The following SNX29 variants were observed in gnomAD, a reference collection of about 807,000 sequenced individuals.
The protein encoded by SNX29 is sorting nexin-29.
In SNX29, 78 loss-of-function variants were observed where a neutral mutation model predicts 102.1. That is an observed-to-expected ratio of 0.76 (90% CI 0.64 to 0.92). SNX29 has a LOEUF of 0.92. SNX29 is among the 40% of genes least tolerant of loss of function. SNX29 has a pLI of 0.00. For missense variants in SNX29, 1,280 were observed against 1,061.7 expected (o/e 1.21, Z -2.86); for synonymous variants, 580 against 414.5 (o/e 1.40, Z -4.85).
At chr16:12,427,279 T>C (rs1024729672) in intron 18 of SNX29, among the ~76,000 whole-genome samples, 20 of 152,000 alleles carry the variant, frequency 1.3e-4, no homozygotes, top group African/African-American at 4.6e-4. Flanking sequence ...TTGCTGTTGT[T>C]TTTTTTTGTG....
intron 20 of SNX29, among the ~76,000 whole-genome samples, chr16:12,541,523 T>C (rs1794309): frequency 0.12 from 18,471 of 152,110 alleles, 1,396 homozygotes; most frequent in Non-Finnish European, 0.16. Flanking sequence ...CATAACCATT[T>C]CAGCATGTAG....
intron 20 of SNX29, among the ~76,000 whole-genome samples, chr16:12,537,476 A>C (rs968914256): frequency 6.7e-6 from 1 of 148,884 alleles, no homozygotes; most frequent in African/African-American, 2.4e-5. Context: ...CCTCATCTAT[A>C]AAATTGGTGA....
intron 18 of SNX29, among the ~76,000 whole-genome samples, chr16:12,440,478 C>T (rs1299501185): frequency 6.6e-6 from 1 of 152,144 alleles, no homozygotes; most frequent in Non-Finnish European, 1.5e-5. Context: ...AGTACAAGTG[C>T]AGGTTTGTTA....
chr16:12,460,276 A>C (rs1413144505), intron 18 of SNX29, among the ~76,000 whole-genome samples: 1 of 152,138 alleles, frequency 6.6e-6, no homozygotes, highest in Non-Finnish European at 1.5e-5. Flanking sequence ...AAACCCTAAA[A>C]CTGTCTGCTG....
intron 13 of SNX29, among the ~76,000 whole-genome samples, chr16:12,167,916 A>G (rs944306113): frequency 6.6e-6 from 1 of 152,160 alleles, no homozygotes; most frequent in Non-Finnish European, 1.5e-5. Context: ...AGTAGTTACA[A>G]AGGAGACTGC....
At chr16:12,541,314 T>G (rs1413568546) in intron 20 of SNX29, among the ~76,000 whole-genome samples, 1 of 152,186 alleles carries the variant, frequency 6.6e-6, no homozygotes, top group African/African-American at 2.4e-5. Flanking sequence ...TCAGCCCTGA[T>G]GGAGGACTTC....
At chr16:12,559,568 A>C (rs998728841) in intron 20 of SNX29, among the ~76,000 whole-genome samples, 2 of 151,950 alleles carry the variant, frequency 1.3e-5, no homozygotes, top group Non-Finnish European at 2.9e-5. Context: ...TTTTTCTTAT[A>C]CATAACTCAT....
At chr16:12,390,149 G>GGTGTGTGTGTGTGTGTGTGTGT (rs34547147) in intron 16 of SNX29, among the ~76,000 whole-genome samples, 2 of 145,588 alleles carry the variant, frequency 1.4e-5, no homozygotes, top group African/African-American at 5.1e-5. Context: ...GCAATTGAGG[G>GGTGTGTGTGTGTGTGTGTGTGT]GTGTGTGTGT....
chr16:12,556,304 T>C (rs1026919754), intron 20 of SNX29: 2 of 152,196 alleles, frequency 1.3e-5, no homozygotes, highest in African/African-American at 4.8e-5. Context: ...CGGGCATTGG[T>C]CTGCTATAGA....
At chr16:11,993,989 C>T (rs1051697896) in intron 1 of SNX29, among the ~76,000 whole-genome samples, 21 of 152,252 alleles carry the variant, frequency 1.4e-4, no homozygotes, top group African/African-American at 5.1e-4. Flanking sequence ...GGCATGGTAG[C>T]AGGAGCCTGT....
chr16:12,446,827 A>T (rs2086076317), intron 18 of SNX29, among the ~76,000 whole-genome samples: 1 of 152,138 alleles, frequency 6.6e-6, no homozygotes, highest in Non-Finnish European at 1.5e-5. Context: ...CTGGATCCCA[A>T]CGAGCTGCCT....
intron 18 of SNX29, among the ~76,000 whole-genome samples, chr16:12,448,247 A>G (rs2086150947): frequency 1.3e-5 from 2 of 152,128 alleles, no homozygotes; most frequent in African/African-American, 4.8e-5. Context: ...TTTCCAGCTG[A>G]CCACCTTTCC....
At chr16:12,185,471 C>T (rs535137462) in intron 13 of SNX29, among the ~76,000 whole-genome samples, 1 of 152,268 alleles carries the variant, frequency 6.6e-6, no homozygotes, top group African/African-American at 2.4e-5. Flanking sequence ...CTCTGTCTTC[C>T]TCCTACTCGC....
rs1301428241 is a variant in SNX29 at position 12,323,992 on chromosome 16, T to A, written c.1783-32171T>A. Among the ~76,000 whole-genome samples, 3 of 152,314 alleles carry A rather than the reference T, an allele frequency of 2.0e-5. No homozygotes were observed. In the South Asian group the frequency reaches 6.2e-4, roughly 32 times the overall value. ...GATTGTAAGTGTTCTGTGATCAAACTGATCCTAGAGAAGAATATGACGTAC... is the reference window on the plus strand; with the variant it reads ...GATTGTAAGTGTTCTGTGATCAAACAGATCCTAGAGAAGAATATGACGTAC... On this transcript the variant is annotated intron_variant, in intron 15 of 20. Coordinates refer to ENST00000566228, the MANE Select transcript of SNX29 (RefSeq NM_032167.5).
In SNX29 at chr16:12,383,632, C is replaced by T. The variant is rs137956701; in HGVS notation, c.1900-14814C>T. Among the ~76,000 whole-genome samples, 37 of 152,052 alleles carry T rather than the reference C, an allele frequency of 2.4e-4. No individual in the cohort carries two copies. The East Asian group carries it at 6.4e-3, about 26-fold the overall frequency. On this transcript the variant is annotated intron_variant, in intron 16 of 20. Transcript: ENST00000566228. ...TTGTGTTTTTAGTAAAGACGGGTTTCACCACGTTGGCCAGGCTGGTCTCGA... is the reference window on the plus strand; with the variant it reads ...TTGTGTTTTTAGTAAAGACGGGTTTTACCACGTTGGCCAGGCTGGTCTCGA...
At chr16:12,473,617 T>C (rs967874854) in intron 18 of SNX29, among the ~76,000 whole-genome samples, 37 of 152,328 alleles carry the variant, frequency 2.4e-4, no homozygotes, top group African/African-American at 8.4e-4. Context: ...GGCTGCATTT[T>C]CGGACGGTTA....
intron 12 of SNX29, among the ~76,000 whole-genome samples, chr16:12,128,969 C>G (rs1238460254): frequency 3.3e-5 from 5 of 152,160 alleles, no homozygotes; most frequent in Admixed American, 6.5e-5. Context: ...GACAAATACA[C>G]AGGTGAATCC....
At chr16:12,400,008 G>A (rs935797351) in intron 17 of SNX29, among the ~76,000 whole-genome samples, 1 of 152,112 alleles carries the variant, frequency 6.6e-6, no homozygotes, top group African/African-American at 2.4e-5. Context: ...GCTGGTGTCC[G>A]GGCAGGTCCC....
intron 20 of SNX29, among the ~76,000 whole-genome samples, chr16:12,533,920 A>T (rs534837432): frequency 6.6e-6 from 1 of 152,286 alleles, no homozygotes; most frequent in Admixed American, 6.5e-5. Context: ...CTTCATATAA[A>T]ATCTGATGTT....
Sources: gnomAD v4.1 joint callset for allele counts (sites outside exome capture counted in the v4.1 genomes callset) on GRCh38, gnomAD v4.1.1 for gene constraint, MANE v1.5 for transcripts, NCBI Gene and HGNC (gene_info 2026-07-23, HGNC 2026-07-21) for gene names.